Variants in ASTN2 observed in about 807,000 individuals in gnomAD.
The protein encoded by ASTN2 is astrotactin 2.
ASTN2 carries 54 observed loss-of-function variants against 139.8 expected under a neutral mutation model. That is an observed-to-expected ratio of 0.39 (90% confidence interval 0.31 to 0.48). The LOEUF (loss-of-function observed/expected upper bound fraction) is 0.48, where lower values mean the gene tolerates loss of function less well. ASTN2 is among the 20% of genes least tolerant of loss of function. The pLI, the probability that ASTN2 is intolerant of heterozygous loss-of-function variation, is 0.95. For synonymous variants in ASTN2, 756 were observed against 719.5 expected, an observed-to-expected ratio of 1.05 and a Z score of -0.81; for missense variants, 1,565 against 1,725.1, an observed-to-expected ratio of 0.91 and a Z score of 1.64.
intron 22 of ASTN2, among the ~76,000 whole-genome samples, chr9:116,427,287 T>A (rs1304869533): frequency 6.6e-6 from 1 of 152,188 alleles, no homozygotes; most frequent in Non-Finnish European, 1.5e-5. Flanking sequence ...AATAGCACTC[T>A]TGCCCCAGTG....
chr9:116,955,365 T>G (rs1023900703), intron 10 of ASTN2, among the ~76,000 whole-genome samples: 2 of 152,212 alleles, frequency 1.3e-5, no homozygotes, highest in African/African-American at 4.8e-5. Context: ...TGGTATGAAC[T>G]GTCAAATGGA....
chr9:116,479,853 C>A (rs1005250563), intron 20 of ASTN2, among the ~76,000 whole-genome samples: 6 of 152,140 alleles, frequency 3.9e-5, no homozygotes, highest in African/African-American at 1.4e-4. Flanking sequence ...TCTATATGCC[C>A]AACTCTTCTC....
At chr9:116,535,196 G>A (rs993863053) in intron 19 of ASTN2, among the ~76,000 whole-genome samples, 7 of 151,884 alleles carry the variant, frequency 4.6e-5, no homozygotes, top group African/African-American at 1.7e-4. Flanking sequence ...CTGCCTTTTT[G>A]TATTTTCCTT....
intron 16 of ASTN2, among the ~76,000 whole-genome samples, chr9:116,692,534 C>T (rs803937): frequency 0.94 from 143,094 of 152,292 alleles, 67,298 homozygotes; most frequent in African/African-American, 0.98. Context: ...AAGTCCCTTT[C>T]CATAGATAAA....
intron 5 of ASTN2, among the ~76,000 whole-genome samples, chr9:117,080,300 C>T (rs1229344661): frequency 6.6e-6 from 1 of 152,168 alleles, no homozygotes; most frequent in East Asian, 1.9e-4. Context: ...TTCATTCACA[C>T]TTATCTGGCT....
intron 6 of ASTN2, among the ~76,000 whole-genome samples, chr9:117,031,035 T>C (rs1588495622): frequency 2.0e-5 from 3 of 152,288 alleles, no homozygotes; most frequent in Middle Eastern, 3.4e-3. Flanking sequence ...TGGTATTTCA[T>C]TGCCACCTCC....
intron 11 of ASTN2, among the ~76,000 whole-genome samples, chr9:116,841,418 AT>A (rs890391589): frequency 2.0e-5 from 3 of 151,990 alleles, no homozygotes. Context: ...TTTTATTTTT[AT>A]TTTTTGTAGA....
At chr9:117,074,513 G>T (rs767890530) in intron 5 of ASTN2, among the ~76,000 whole-genome samples, 164 of 152,282 alleles carry the variant, frequency 1.1e-3, no homozygotes, top group Non-Finnish European at 1.7e-3. Flanking sequence ...GCGAAGATGT[G>T]CAGGGTGTGT....
At chr9:116,642,360 G>A (rs1277176421) in intron 17 of ASTN2, among the ~76,000 whole-genome samples, 1 of 151,810 alleles carries the variant, frequency 6.6e-6, no homozygotes, top group African/African-American at 2.4e-5. Context: ...CTTATTTCAT[G>A]TCTCTCTCAC....
At chr9:116,979,986 A>G (rs900153532) in intron 7 of ASTN2, among the ~76,000 whole-genome samples, 1 of 152,154 alleles carries the variant, frequency 6.6e-6, no homozygotes, top group Non-Finnish European at 1.5e-5. Context: ...ATCATTAATT[A>G]CTGATGCTCA....
intron 13 of ASTN2, among the ~76,000 whole-genome samples, chr9:116,758,123 T>C (rs530390669): frequency 2.6e-5 from 4 of 152,282 alleles, no homozygotes; most frequent in East Asian, 3.9e-4. Flanking sequence ...CACTTCTTTA[T>C]TGGATTGTTT....
intron 6 of ASTN2, among the ~76,000 whole-genome samples, chr9:117,036,761 C>T (rs1838395749): frequency 6.6e-6 from 1 of 152,146 alleles, no homozygotes; most frequent in South Asian, 2.1e-4. Context: ...CCCCTGCTTT[C>T]CACTTGGTCC....
intron 16 of ASTN2, among the ~76,000 whole-genome samples, chr9:116,718,752 G>T (rs896126202): frequency 6.6e-6 from 1 of 151,700 alleles, no homozygotes; most frequent in Non-Finnish European, 1.5e-5. Context: ...TCTTTTGTTG[G>T]ATCTCAAGCC....
chr9:116,785,101 G>A (rs1830333462), intron 13 of ASTN2, among the ~76,000 whole-genome samples: 1 of 152,024 alleles, frequency 6.6e-6, no homozygotes, highest in Admixed American at 6.6e-5. Flanking sequence ...AAAAAATAAG[G>A]GAGGGGAAAA....
At chr9:116,484,559 C>T (rs1041381313) in intron 20 of ASTN2, among the ~76,000 whole-genome samples, 6 of 152,090 alleles carry the variant, frequency 3.9e-5, no homozygotes, top group African/African-American at 1.2e-4. Context: ...AACTCCAGAC[C>T]GAGCTGGTCA....
rs147353979 is a variant in ASTN2 at position 116,756,295 on chromosome 9, G to A, written c.2397-22772C>T. Among the ~76,000 whole-genome samples the A allele has an allele frequency of 2.5e-4, 38 of 152,226 alleles. No individual in the cohort carries two copies. The East Asian group carries it at 7.0e-3, about 28-fold the overall frequency. On this transcript the variant is annotated intron_variant, in intron 13 of 22. Coordinates refer to ENST00000313400, the MANE Select transcript of ASTN2 (RefSeq NM_001365068.1). The stretch of plus-strand genomic sequence containing the variant: ...GGGCTCAAACTTAGTCTTAACAGAT[G>A]CCAGAGCTCATGGTCTCAGGCCTAT...
chr9:116,789,157 G>A (rs967570237), intron 13 of ASTN2, among the ~76,000 whole-genome samples: 5 of 152,016 alleles, frequency 3.3e-5, no homozygotes, highest in Non-Finnish European at 5.9e-5. Flanking sequence ...TCTGAACCAC[G>A]GCATGACAAG....
intron 22 of ASTN2, among the ~76,000 whole-genome samples, chr9:116,440,263 G>A (rs1564278288): frequency 6.6e-6 from 1 of 152,132 alleles, no homozygotes; most frequent in African/African-American, 2.4e-5. Context: ...TATGGGTCAT[G>A]GCCCCACTGC....
chr9:116,510,998 T>C (rs747009093), intron 19 of ASTN2, among the ~76,000 whole-genome samples: 5 of 152,202 alleles, frequency 3.3e-5, no homozygotes, highest in Non-Finnish European at 5.9e-5. Flanking sequence ...CTTTATTTCC[T>C]TCTCCTGCCT....
Sources: allele counts gnomAD v4.1 joint callset (sites outside exome capture counted in the v4.1 genomes callset), GRCh38; gene constraint gnomAD v4.1.1; transcripts MANE v1.5; gene names NCBI Gene and HGNC (gene_info 2026-07-23, HGNC 2026-07-21).